The following CDK14 variants were observed in gnomAD, a reference collection of about 807,000 sequenced individuals.
CDK14 encodes the protein cyclin-dependent kinase 14.
CDK14 carries 34 observed loss-of-function variants against 60.7 expected under a neutral mutation model. The observed-to-expected ratio is 0.56, with a 90% CI of 0.43 to 0.75. CDK14 has a LOEUF of 0.75. Among genes scored for constraint, CDK14 ranks in the 30% least tolerant of loss-of-function variants. The pLI is 0.00. For missense variants in CDK14, 482 were observed against 564.1 expected (o/e 0.85, Z 1.47); for synonymous variants, 197 against 203.7 (o/e 0.97, Z 0.28).
rs538486090 is a variant in CDK14, at chr7:90,809,040, C to A, written c.544+18388C>A. ...AATAATGGGAGACTTTAACACCCCACTGTCAGCATTAGACAGATCAATGAG... is the reference window on the plus strand; with the variant it reads ...AATAATGGGAGACTTTAACACCCCAATGTCAGCATTAGACAGATCAATGAG... On this transcript the variant is annotated intron_variant, in intron 5 of 14. Transcript: ENST00000380050. Among the ~76,000 whole-genome samples, 24 of 152,310 alleles carry A rather than the reference C, an allele frequency of 1.6e-4. No homozygotes were observed. In the Middle Eastern group the frequency reaches 0.014, roughly 86 times the overall value.
chr7:90,773,904 T>G, intron 4 of CDK14, among the ~76,000 whole-genome samples: 1 of 4,308 alleles, frequency 2.3e-4, no homozygotes, highest in African/African-American at 7.0e-4. Flanking sequence ...CTTTTCTTTC[T>G]TTTTTTTTTT....
chr7:91,014,924 G>T (rs1796257776), intron 10 of CDK14, among the ~76,000 whole-genome samples: 1 of 152,104 alleles, frequency 6.6e-6, no homozygotes, highest in African/African-American at 2.4e-5. Flanking sequence ...TTAGTTCCTT[G>T]TTGATATGAA....
intron 4 of CDK14, among the ~76,000 whole-genome samples, chr7:90,787,778 C>CA (rs1805660401): frequency 6.6e-6 from 1 of 152,142 alleles, no homozygotes; most frequent in Non-Finnish European, 1.5e-5. Flanking sequence ...TTATTAAAAA[C>CA]AAACACTTGG....
intron 6 of CDK14, among the ~76,000 whole-genome samples, chr7:90,895,464 CCCTCT>C (rs1562817748): frequency 3.2e-4 from 1 of 3,128 alleles, no homozygotes; most frequent in African/African-American, 1.2e-3. Context: ...CCCTCCCCTC[CCCTCT>C]CCTCTCCTCA....
At chr7:90,928,638 G>C (rs766831480) in intron 8 of CDK14, among the ~76,000 whole-genome samples, 16 of 152,172 alleles carry the variant, frequency 1.1e-4, no homozygotes, top group Non-Finnish European at 2.1e-4. Context: ...ACCCTACTGG[G>C]AGGTGTCTCC....
intron 14 of CDK14, among the ~76,000 whole-genome samples, chr7:91,129,567 ATATG>A (rs1472812811): frequency 6.6e-6 from 1 of 152,162 alleles, no homozygotes; most frequent in Non-Finnish European, 1.5e-5. Flanking sequence ...TTTTCCAGGC[ATATG>A]GTTTTTACTT....
chr7:90,855,960 C>T (rs917207365), intron 5 of CDK14, among the ~76,000 whole-genome samples: 17 of 152,120 alleles, frequency 1.1e-4, no homozygotes, highest in African/African-American at 4.1e-4. Context: ...TATCACATTT[C>T]AGTTCTATGA....
At chr7:91,006,252 A>G (rs1040899284) in intron 10 of CDK14, among the ~76,000 whole-genome samples, 22 of 152,256 alleles carry the variant, frequency 1.4e-4, no homozygotes, top group African/African-American at 2.4e-4. Flanking sequence ...ATAAGTTTCC[A>G]TTGAAACTAC....
intron 14 of CDK14, among the ~76,000 whole-genome samples, chr7:91,176,734 A>G (rs918230414): frequency 2.6e-4 from 39 of 151,716 alleles, no homozygotes; most frequent in African/African-American, 9.4e-4. Context: ...TCCTCGACAC[A>G]TACACTCTCC....
chr7:90,796,015 G>A (rs1788412276), intron 5 of CDK14, among the ~76,000 whole-genome samples: 1 of 152,138 alleles, frequency 6.6e-6, no homozygotes, highest in African/African-American at 2.4e-5. Context: ...CACATTAAAG[G>A]TTAGCTTCTG....
At chr7:90,874,525 T>C (rs1791485683) in intron 6 of CDK14, among the ~76,000 whole-genome samples, 1 of 102,242 alleles carries the variant, frequency 9.8e-6, no homozygotes. Flanking sequence ...TTTTTTTTTT[T>C]TTTTTTTTTT....
chr7:90,784,585 C>A (rs1200746189), intron 4 of CDK14, among the ~76,000 whole-genome samples: 1 of 152,250 alleles, frequency 6.6e-6, no homozygotes, highest in African/African-American at 2.4e-5. Flanking sequence ...TAATTTAAGA[C>A]AAACTAGTTT....
intron 2 of CDK14, among the ~76,000 whole-genome samples, chr7:90,683,538 C>T (rs182743578): frequency 2.6e-5 from 4 of 152,308 alleles, no homozygotes; most frequent in Admixed American, 6.5e-5. Flanking sequence ...CAGTGGCTCA[C>T]ACCTGTAATC....
chr7:90,927,153 A>G (rs1218419949), intron 8 of CDK14, among the ~76,000 whole-genome samples: 1 of 152,140 alleles, frequency 6.6e-6, no homozygotes, highest in African/African-American at 2.4e-5. Context: ...ATAATTGGCC[A>G]GTGGTGACTA....
At chr7:90,863,891 A>C (rs189487040) in intron 6 of CDK14, among the ~76,000 whole-genome samples, 1 of 152,164 alleles carries the variant, frequency 6.6e-6, no homozygotes, top group Non-Finnish European at 1.5e-5. Context: ...CTCTTAAAAA[A>C]CATGGTATTT....
In CDK14 at chr7:90,768,100, G is replaced by A. The variant is rs75984969; in HGVS notation, c.464+20325G>A. Among the ~76,000 whole-genome samples the A allele has an allele frequency of 5.4e-3, 822 of 152,288 alleles. 10 individuals carry two copies. Among genetic ancestry groups the A allele is most frequent in the African/African-American group, 0.018 (738 of 41,550 alleles). On this transcript the variant is annotated intron_variant, in intron 4 of 14. Coordinates refer to ENST00000380050, the MANE Select transcript of CDK14 (RefSeq NM_001287135.2). ...TAATCACTGTTGTGATGATTGATGT[G>A]ACCTAGACTAACTTACCATTGACCC...
intron 14 of CDK14, among the ~76,000 whole-genome samples, chr7:91,161,819 C>T (rs181026982): frequency 3.3e-5 from 5 of 152,290 alleles, no homozygotes; most frequent in East Asian, 3.9e-4. Context: ...TCTTGACATT[C>T]GGCACATAGC....
At chr7:90,983,504 C>G (rs554029787) in intron 9 of CDK14, among the ~76,000 whole-genome samples, 24 of 152,078 alleles carry the variant, frequency 1.6e-4, no homozygotes, top group African/African-American at 5.8e-4. Context: ...ACGGTGAAAC[C>G]CCGTCTCTAC....
At chr7:90,597,729 C>T (rs550728922) in intron 1 of CDK14, among the ~76,000 whole-genome samples, 1 of 152,164 alleles carries the variant, frequency 6.6e-6, no homozygotes, top group East Asian at 1.9e-4. Context: ...TAAAATAAAA[C>T]CCTGGGATGC....
Sources: gnomAD v4.1 joint callset for allele counts (sites outside exome capture counted in the v4.1 genomes callset) on GRCh38, gnomAD v4.1.1 for gene constraint, MANE v1.5 for transcripts, NCBI Gene and HGNC (gene_info 2026-07-23, HGNC 2026-07-21) for gene names.